IL1RAPL2: variants seen among roughly 807,000 people sequenced by gnomAD.
IL1RAPL2 encodes X-linked interleukin-1 receptor accessory protein-like 2.
A neutral mutation model predicts 44.1 loss-of-function variants in IL1RAPL2; 3 were observed. The ratio of observed to expected loss-of-function variants is 0.07; its 90% confidence interval spans 0.03 to 0.18. The LOEUF (loss-of-function observed/expected upper bound fraction) is 0.18, where lower values mean the gene tolerates loss of function less well. Among genes scored for constraint, IL1RAPL2 ranks in the 10% least tolerant of loss-of-function variants. The pLI is 1.00. For synonymous variants in IL1RAPL2, 181 were observed against 178.8 expected (o/e 1.01, Z -0.10); for missense variants, 391 against 496.4 (o/e 0.79, Z 2.02).
At chrX:105,010,532 C>G (rs1049197230) in intron 2 of IL1RAPL2, among the ~76,000 whole-genome samples, 1 of 111,433 alleles carries the variant, frequency 9.0e-6, no homozygotes, top group Non-Finnish European at 1.9e-5. Context: ...GGCCATTTCC[C>G]CCACCTTAAT....
intron 6 of IL1RAPL2, among the ~76,000 whole-genome samples, chrX:105,702,334 CA>C (rs2038126366): frequency 9.0e-6 from 1 of 111,270 alleles, no homozygotes; most frequent in Admixed American, 9.6e-5. Context: ...AGATGCAAGG[CA>C]CAAAGAACAC....
intron 2 of IL1RAPL2, among the ~76,000 whole-genome samples, chrX:104,790,593 A>G (rs1490262453): frequency 2.7e-5 from 3 of 110,947 alleles, no homozygotes; most frequent in African/African-American, 9.9e-5. Flanking sequence ...TTTTTTTCAC[A>G]AAGAAAACTG....
At chrX:104,957,750 A>G (rs1357292780) in intron 2 of IL1RAPL2, among the ~76,000 whole-genome samples, 2 of 111,390 alleles carry the variant, frequency 1.8e-5, no homozygotes, top group Admixed American at 9.5e-5. Context: ...AGGCAGGTCT[A>G]TCGTCATTGG....
At chrX:104,666,583 T>A (rs1350618031) in intron 2 of IL1RAPL2, among the ~76,000 whole-genome samples, 1 of 112,174 alleles carries the variant, frequency 8.9e-6, no homozygotes, top group African/African-American at 3.2e-5. Flanking sequence ...GTGAATGAGC[T>A]CCTTTCTACT....
At chrX:105,373,544 T>C (rs1419185545) in intron 5 of IL1RAPL2, among the ~76,000 whole-genome samples, 2 of 112,061 alleles carry the variant, frequency 1.8e-5, no homozygotes, top group African/African-American at 6.5e-5. Context: ...TGTCAATTTT[T>C]TCTTTTGGTG....
intron 2 of IL1RAPL2, among the ~76,000 whole-genome samples, chrX:105,017,792 G>GA (rs1469496457): frequency 2.7e-5 from 3 of 111,065 alleles, no homozygotes. Context: ...GTAAAAAGAA[G>GA]AAAAAACCAT....
At chrX:104,624,633 G>A (rs925086544) in intron 1 of IL1RAPL2, among the ~76,000 whole-genome samples, 6 of 111,704 alleles carry the variant, frequency 5.4e-5, no homozygotes, top group Non-Finnish European at 7.5e-5. Context: ...GATGCATTTA[G>A]TTTTGGGCCC....
At chrX:104,616,987 T>G (rs778758666) in intron 1 of IL1RAPL2, among the ~76,000 whole-genome samples, 15 of 112,316 alleles carry the variant, frequency 1.3e-4, no homozygotes, top group Admixed American at 1.1e-3. Context: ...TTGTTTTTGT[T>G]GCAATTACTT....
intron 2 of IL1RAPL2, among the ~76,000 whole-genome samples, chrX:104,908,091 T>A (rs1399648023): frequency 1.9e-4 from 21 of 110,729 alleles, no homozygotes; most frequent in African/African-American, 6.2e-4. Context: ...CTTTGTTGGT[T>A]TAAAGTCTGT....
intron 2 of IL1RAPL2, among the ~76,000 whole-genome samples, chrX:105,036,709 G>A (rs2031635770): frequency 8.9e-6 from 1 of 111,806 alleles, no homozygotes; most frequent in South Asian, 3.7e-4. Context: ...ACATGTTCAA[G>A]AATTCCCCAA....
chrX:105,345,643 G>T lies in IL1RAPL2; in HGVS notation c.697+78102G>T, dbSNP rs190222679. Among the ~76,000 whole-genome samples, 14 of 111,075 alleles carry T rather than the reference G, an allele frequency of 1.3e-4. No homozygotes were observed. In the East Asian group the frequency reaches 4.0e-3, roughly 32 times the overall value. On this transcript the variant is annotated intron_variant, in intron 5 of 10. Coordinates refer to ENST00000372582, the MANE Select transcript of IL1RAPL2 (RefSeq NM_017416.2). ...TTCCCAATTAAACTTTTCTTGCTCT[G>T]AGCATGATAGTGGCATTTTTTTAGG... is the stretch of plus-strand genomic sequence containing the variant.
At chrX:105,641,913 G>A (rs187809812) in intron 6 of IL1RAPL2, among the ~76,000 whole-genome samples, 2 of 111,775 alleles carry the variant, frequency 1.8e-5, no homozygotes, top group East Asian at 5.7e-4. Context: ...GTTTGACTGT[G>A]ATCCTATAAC....
At chrX:104,632,951 C>T (rs904546450) in intron 1 of IL1RAPL2, among the ~76,000 whole-genome samples, 2 of 111,542 alleles carry the variant, frequency 1.8e-5, no homozygotes, top group African/African-American at 6.5e-5. Context: ...AGTTTTTGCC[C>T]ATTCGGTATG....
chrX:104,907,625 C>A (rs1288049068), intron 2 of IL1RAPL2, among the ~76,000 whole-genome samples: 1 of 111,673 alleles, frequency 9.0e-6, no homozygotes, highest in African/African-American at 3.3e-5. Context: ...GAGTGAGATT[C>A]TTAATCCTGA....
chrX:105,057,722 CAAAT>C (rs2032012306), intron 2 of IL1RAPL2, among the ~76,000 whole-genome samples: 1 of 110,822 alleles, frequency 9.0e-6, no homozygotes, highest in Admixed American at 9.6e-5. Flanking sequence ...TAATAAATGA[CAAAT>C]AAACAAGGGA....
At chrX:105,299,685 A>T (rs1013346063) in intron 5 of IL1RAPL2, among the ~76,000 whole-genome samples, 3 of 112,027 alleles carry the variant, frequency 2.7e-5, no homozygotes, top group African/African-American at 9.7e-5. Context: ...TATGACCCTA[A>T]TGCCAGAAAT....
chrX:104,577,629 T>G (rs1255675835), intron 1 of IL1RAPL2, among the ~76,000 whole-genome samples: 4 of 109,361 alleles, frequency 3.7e-5, no homozygotes, highest in African/African-American at 1.3e-4. Flanking sequence ...GGACTGATAA[T>G]TAAGGTAAAA....
intron 6 of IL1RAPL2, among the ~76,000 whole-genome samples, chrX:105,487,340 G>A (rs761942846): frequency 1.8e-5 from 2 of 111,202 alleles, no homozygotes; most frequent in Non-Finnish European, 3.8e-5. Flanking sequence ...TGTGCACTTT[G>A]TATAAACCTG....
chrX:104,709,767 T>C (rs1931423627), intron 2 of IL1RAPL2, among the ~76,000 whole-genome samples: 1 of 111,132 alleles, frequency 9.0e-6, no homozygotes, highest in Admixed American at 9.6e-5. Flanking sequence ...CAGATATTAG[T>C]ATCCAGAATA....
Sources: gnomAD v4.1 joint callset for allele counts (sites outside exome capture counted in the v4.1 genomes callset) on GRCh38, gnomAD v4.1.1 for gene constraint, MANE v1.5 for transcripts, NCBI Gene and HGNC (gene_info 2026-07-23, HGNC 2026-07-21) for gene names.